KIAA0586: variants seen among roughly 807,000 people sequenced by gnomAD.
The protein encoded by KIAA0586 is KIAA0586.
A neutral mutation model predicts 169.8 loss-of-function variants in KIAA0586; 144 were observed. The observed-to-expected ratio is 0.85, with a 90% CI of 0.74 to 0.97. The LOEUF is 0.97. Ranked by LOEUF, KIAA0586 falls within the 50% of genes least tolerant of loss-of-function variation. The pLI, the probability that KIAA0586 is intolerant of heterozygous loss-of-function variation, is 0.00. For synonymous variants in KIAA0586, 625 were observed against 612.4 expected (o/e 1.02, Z -0.30); for missense variants, 1,854 against 1,823.0 (o/e 1.02, Z -0.31).
downstream of KIAA0586, among the ~76,000 whole-genome samples, chr14:58,553,021 C>G (rs2047225071): frequency 6.6e-6 from 1 of 152,148 alleles, no homozygotes. Context: ...GATTGCTTGT[C>G]AAGCTTGATA....
In KIAA0586 at chr14:58,429,407, T is replaced by A; in HGVS notation, c.244T>A (p.Leu82Ile). 4.4e-6 allele frequency: 7 copies of A among 1,598,416 alleles called. No individual in the cohort carries two copies. Among genetic ancestry groups the A allele is most frequent in the Non-Finnish European group, 6.0e-6 (7 of 1,165,942 alleles). The change falls in exon 2 of 31, where the codon TTA becomes ATA. Residue 82 changes from leucine to isoleucine, a missense_variant. Leu to Ile is a conservative substitution (Grantham distance 5). Coordinates refer to ENST00000652326, the MANE Select transcript of KIAA0586 (RefSeq NM_001329943.3). ...TGCTAGAAATTGTTACCAGCCTCTA[T>A]TAGAAAATCCCATGGTGTCAGAAAG... The part of the protein sequence containing the change: ...TSARNCYQPL[L>I]ENPMVSESDF...
intron 19 of KIAA0586, among the ~76,000 whole-genome samples, 153 bp downstream of exon 19, chr14:58,474,950 G>A (rs1419077015): frequency 6.6e-6 from 1 of 152,146 alleles, no homozygotes; most frequent in Non-Finnish European, 1.5e-5. Flanking sequence ...AATGCTGAGG[G>A]CTTAACTATT....
intron 6 of KIAA0586, among the ~76,000 whole-genome samples, chr14:58,445,415 G>A (rs183760717): frequency 1.3e-5 from 2 of 151,562 alleles, no homozygotes; most frequent in East Asian, 3.9e-4. Flanking sequence ...ATTTATTTTG[G>A]AATTTCTTTT....
In KIAA0586 at chr14:58,509,223, A is replaced by G. The variant is rs542046804; in HGVS notation, c.4323+514A>G. On this transcript the variant is annotated intron_variant, in intron 28 of 30. Transcript: ENST00000652326. ...ACAGAGTGAGACTCTTGTCTCAAAA[A>G]AAATGAATAAGTAAATAAAACATAA... Among the ~76,000 whole-genome samples, 26 of 152,318 alleles carry G rather than the reference A, an allele frequency of 1.7e-4. No individual in the cohort carries two copies. In the South Asian group the frequency reaches 5.4e-3, roughly 32 times the overall value.
At chr14:58,458,432 G>GT in intron 11 of KIAA0586, 41 bp from the exon 12 acceptor site, 1 of 1,098,862 alleles carries the variant, frequency 9.1e-7, no homozygotes, top group Non-Finnish European at 1.3e-6. Context: ...GCTCAGGACA[G>GT]TAAGTGCTAA....
At position 58,512,531 on chromosome 14, in the gene KIAA0586, A is replaced by G. The variant is rs1195503700; in HGVS notation, c.4333A>G (p.Lys1445Glu). 1.3e-6 allele frequency: 2 copies of G among 1,521,574 alleles called. No homozygotes were observed. Among genetic ancestry groups the G allele is most frequent in the Non-Finnish European group, 1.8e-6 (2 of 1,139,964 alleles). 94.3% of individuals were successfully genotyped at this position (1,521,574 alleles called of 1,614,324 possible). A position where few individuals can be genotyped will look rare whatever the true frequency, so the allele number is the denominator to read the frequency against. ...ATCTTAAATTATTTAGTACCAACTA[A>G]AGCAAAATCAGGATGTTAAGCAAGT... ...AAEDFSQYQL[K>E]QNQDVKQVEH... is the part of the protein sequence containing the mutation. The change falls in exon 29 of 31, where the codon AAG (lysine) becomes GAG (glutamate). Residue 1445 changes from lysine to glutamate, a missense_variant. Coordinates refer to ENST00000652326, the MANE Select transcript of KIAA0586 (RefSeq NM_001329943.3).
chr14:58,536,535 A>G (rs2046302378), intron 29 of KIAA0586, among the ~76,000 whole-genome samples: 1 of 152,184 alleles, frequency 6.6e-6, no homozygotes, highest in Non-Finnish European at 1.5e-5. Context: ...TTTGAAAAGG[A>G]TGTACACTAA....
intron 18 of KIAA0586, among the ~76,000 whole-genome samples, chr14:58,472,932 T>A (rs2041336180): frequency 7.1e-6 from 1 of 141,288 alleles, no homozygotes; most frequent in Non-Finnish European, 1.5e-5. Flanking sequence ...ATTAATGTTA[T>A]TCGCTCACAG....
intron 6 of KIAA0586, among the ~76,000 whole-genome samples, chr14:58,445,284 A>G (rs1286681667): frequency 1.3e-5 from 2 of 152,274 alleles, no homozygotes; most frequent in Admixed American, 6.5e-5. Flanking sequence ...TACCTGGTGT[A>G]CATGTTTGCT....
chr14:58,523,858 C>T (rs1048925409), intron 29 of KIAA0586, among the ~76,000 whole-genome samples: 6 of 151,980 alleles, frequency 3.9e-5, no homozygotes, highest in Non-Finnish European at 4.4e-5. Flanking sequence ...GCCACCACTC[C>T]TGGCCTCAGT....
intron 29 of KIAA0586, among the ~76,000 whole-genome samples, chr14:58,537,744 T>C (rs1216352781): frequency 6.6e-6 from 1 of 151,922 alleles, no homozygotes; most frequent in African/African-American, 2.4e-5. Flanking sequence ...GCCTCCCAGG[T>C]TCACGCCATT....
intron 29 of KIAA0586, among the ~76,000 whole-genome samples, chr14:58,514,438 A>T (rs2044609683): frequency 6.6e-6 from 1 of 152,022 alleles, no homozygotes. Context: ...GAATACTAGA[A>T]CCCCAAATTT....
intron 23 of KIAA0586, 64 bp from the exon 24 acceptor site, chr14:58,488,557 A>G: frequency 6.5e-7 from 1 of 1,548,154 alleles, no homozygotes; most frequent in Admixed American, 2.0e-5. Context: ...TCTGTTTTTT[A>G]TATCAAAATG....
intron 29 of KIAA0586, among the ~76,000 whole-genome samples, chr14:58,517,177 A>G (rs1311155384): frequency 1.3e-5 from 2 of 152,218 alleles, no homozygotes; most frequent in Non-Finnish European, 2.9e-5. Flanking sequence ...TGTTAAGAGA[A>G]TGAAAAAGGA....
Position 58,456,734 on chromosome 14 carries a change from A to G in KIAA0586, c.1286A>G (p.Lys429Arg). Reference protein sequence around the residue: ...FPSCEELETTKVTMQKSDDVL... With the variant: ...FPSCEELETTRVTMQKSDDVL... ...TCCTGTGAAGAGCTAGAAACAACTAAAGTGACTATGCAGAAGTCTGATGAT... is the reference window on the plus strand; with the variant it reads ...TCCTGTGAAGAGCTAGAAACAACTAGAGTGACTATGCAGAAGTCTGATGAT... The change falls in exon 10 of 31, where the codon AAA becomes AGA. Residue 429 changes from lysine to arginine, a missense_variant. Lys to Arg is a conservative substitution (Grantham distance 26). Transcript: ENST00000652326. 6.2e-7 allele frequency: 1 copy of G among 1,605,658 alleles called. No individual in the cohort carries two copies. Among genetic ancestry groups the G allele is most frequent in the Non-Finnish European group, 8.5e-7 (1 of 1,175,322 alleles).
At chr14:58,466,076 A>G (rs763010260) in intron 15 of KIAA0586, 47 bp downstream of exon 15, 35 of 1,363,460 alleles carry the variant, frequency 2.6e-5, no homozygotes, top group South Asian at 1.0e-4. Context: ...TTATTTATTT[A>G]TTTGTTTGTT....
chr14:58,457,843 G>A lies in KIAA0586; in HGVS notation c.1447G>A (p.Val483Ile), dbSNP rs1880456222. The A allele has an allele frequency of 6.2e-6, 10 of 1,608,508 alleles. No homozygotes were observed. Among genetic ancestry groups the A allele is most frequent in the Non-Finnish European group, 8.5e-6 (10 of 1,177,130 alleles). The change falls in exon 11 of 31, where the codon GTA becomes ATA. Residue 483 changes from valine (V) to isoleucine (I), a missense_variant. Coordinates refer to ENST00000652326, the MANE Select transcript of KIAA0586 (RefSeq NM_001329943.3). ...KLQTTNTTRS[V>I]LKDAEKILRG... The stretch of plus-strand genomic sequence containing the variant: ...TCAAACAACCAATACAACAAGATCT[G>A]TATTGAAAGATGCTGAGAAGATTTT...
intron 29 of KIAA0586, among the ~76,000 whole-genome samples, chr14:58,512,888 T>C (rs2044490083): frequency 6.6e-6 from 1 of 152,084 alleles, no homozygotes; most frequent in Admixed American, 6.6e-5. Flanking sequence ...TTTTAGTTCT[T>C]GTTCAATTGA....
Position 58,498,919 on chromosome 14 carries a change from G to A in KIAA0586, c.4127G>A (p.Cys1376Tyr). Residue 1376 changes from cysteine to tyrosine, a missense_variant, in exon 27 of 31, where the codon TGT becomes TAT. Coordinates refer to ENST00000652326, the MANE Select transcript of KIAA0586 (RefSeq NM_001329943.3). Reference protein sequence around the residue: ...VTNTQSLDQQCDPKPLSRQFD... With the variant: ...VTNTQSLDQQYDPKPLSRQFD... ...AATACACAGTCTTTGGATCAACAAT[G>A]TGATCCTAAACCATTATCTCGGCAA... 6.2e-7 allele frequency: 1 copy of A among 1,610,176 alleles called. No individual in the cohort carries two copies. Among genetic ancestry groups the A allele is most frequent in the Non-Finnish European group, 8.5e-7 (1 of 1,178,336 alleles).
Sources: allele counts gnomAD v4.1 joint callset (sites outside exome capture counted in the v4.1 genomes callset), GRCh38; gene constraint gnomAD v4.1.1; transcripts MANE v1.5; gene names NCBI Gene and HGNC (gene_info 2026-07-23, HGNC 2026-07-21).